Variants in KCNQ3 observed in about 807,000 individuals in gnomAD.
KCNQ3 encodes potassium voltage-gated channel subfamily Q member 3.
KCNQ3 carries 30 observed loss-of-function variants against 92.5 expected under a neutral mutation model. That is an observed-to-expected ratio of 0.32 (90% CI 0.24 to 0.44). The LOEUF is 0.44. Ranked by LOEUF, KCNQ3 falls within the 20% of genes least tolerant of loss-of-function variation. The probability of loss-of-function intolerance (pLI) is 1.00; values close to 1 mark genes in which losing one functional copy is unlikely to be tolerated. For missense variants in KCNQ3, 913 were observed against 1,140.3 expected (o/e 0.80, Z 2.87); for synonymous variants, 450 against 468.8 (o/e 0.96, Z 0.52).
intron 7 of KCNQ3, 72 bp downstream of exon 7, chr8:132,172,526 T>TACAC (rs146253351): frequency 3.1e-6 from 4 of 1,284,982 alleles, no homozygotes; most frequent in African/African-American, 1.5e-5. Flanking sequence ...CATGCACACA[T>TACAC]ACACACACAC....
At chr8:132,352,180 A>T (rs1047533754) in intron 1 of KCNQ3, among the ~76,000 whole-genome samples, 1 of 152,188 alleles carries the variant, frequency 6.6e-6, no homozygotes, top group Non-Finnish European at 1.5e-5. Context: ...CAGAGAAGAA[A>T]GCAGCTGATC....
chr8:132,395,565 T>C (rs1820170588), intron 1 of KCNQ3, among the ~76,000 whole-genome samples: 2 of 152,222 alleles, frequency 1.3e-5, no homozygotes, highest in Admixed American at 1.3e-4. Context: ...CTCAGAGCAA[T>C]TCAAAACACA....
At chr8:132,157,186 G>A (rs985817069) in intron 9 of KCNQ3, among the ~76,000 whole-genome samples, 8 of 152,202 alleles carry the variant, frequency 5.3e-5, no homozygotes, top group African/African-American at 1.7e-4. Flanking sequence ...GTACTTAGTG[G>A]AAAGTTCTAT....
At chr8:132,393,182 A>C (rs547335461) in intron 1 of KCNQ3, among the ~76,000 whole-genome samples, 165 of 152,266 alleles carry the variant, frequency 1.1e-3, no homozygotes, top group African/African-American at 3.8e-3. Context: ...ACTCTATCTA[A>C]ATAGCCATCC....
intron 1 of KCNQ3, among the ~76,000 whole-genome samples, chr8:132,422,694 C>G (rs1356096717): frequency 6.6e-6 from 1 of 152,230 alleles, no homozygotes; most frequent in Non-Finnish European, 1.5e-5. Context: ...CCTCCCACGA[C>G]TCTCCATATA....
At chr8:132,168,821 T>C (rs1385159387) in intron 8 of KCNQ3, among the ~76,000 whole-genome samples, 1 of 149,562 alleles carries the variant, frequency 6.7e-6, no homozygotes, top group East Asian at 2.0e-4. Flanking sequence ...GAGCCCCCTA[T>C]CTAGTAGCAT....
intron 1 of KCNQ3, among the ~76,000 whole-genome samples, chr8:132,228,004 A>G (rs1213376050): frequency 6.6e-6 from 1 of 152,174 alleles, no homozygotes; most frequent in Admixed American, 6.5e-5. Context: ...AAAAAACCCA[A>G]TAAATCCAAC....
At chr8:132,391,413 G>T (rs75396412) in intron 1 of KCNQ3, among the ~76,000 whole-genome samples, 1 of 151,698 alleles carries the variant, frequency 6.6e-6, no homozygotes, top group Non-Finnish European at 1.5e-5. Context: ...GTGAGGCGAC[G>T]CCGAGAAGAG....
chr8:132,161,835 A>G (rs1826001004), intron 9 of KCNQ3, among the ~76,000 whole-genome samples: 1 of 152,176 alleles, frequency 6.6e-6, no homozygotes, highest in African/African-American at 2.4e-5. Flanking sequence ...GCGTAAAGGA[A>G]TTGATTCCTC....
intron 1 of KCNQ3, among the ~76,000 whole-genome samples, chr8:132,471,004 C>A (rs1348440641): frequency 3.9e-5 from 6 of 152,214 alleles, no homozygotes; most frequent in Non-Finnish European, 8.8e-5. Context: ...TCTCATTATA[C>A]ACAAGTTTGA....
intron 1 of KCNQ3, among the ~76,000 whole-genome samples, chr8:132,425,173 C>T (rs559040386): frequency 3.0e-4 from 45 of 152,272 alleles, no homozygotes; most frequent in South Asian, 1.9e-3. Context: ...CCCAACTGGA[C>T]GCCAATACAT....
At chr8:132,164,715 G>A (rs1826092349) in intron 8 of KCNQ3, among the ~76,000 whole-genome samples, 2 of 152,150 alleles carry the variant, frequency 1.3e-5, no homozygotes, top group Non-Finnish European at 2.9e-5. Flanking sequence ...AAAGGGCAAG[G>A]GGGCAGCTGA....
chr8:132,148,947 T>G (rs116158998), intron 9 of KCNQ3, among the ~76,000 whole-genome samples: 55 of 152,368 alleles, frequency 3.6e-4, no homozygotes, highest in African/African-American at 1.3e-3. Context: ...GTGAGCCAAT[T>G]CCTATAATAA....
chr8:132,442,973 A>G (rs1400257212), intron 1 of KCNQ3, among the ~76,000 whole-genome samples: 1 of 152,178 alleles, frequency 6.6e-6, no homozygotes, highest in African/African-American at 2.4e-5. Context: ...TCAGCCCCAG[A>G]GACAGGCTCC....
chr8:132,308,838 A>G (rs1817511312), intron 1 of KCNQ3, among the ~76,000 whole-genome samples: 1 of 152,196 alleles, frequency 6.6e-6, no homozygotes. Context: ...CCACAGCTAG[A>G]AAGTGGCAGA....
intron 1 of KCNQ3, among the ~76,000 whole-genome samples, chr8:132,347,844 G>A (rs969922032): frequency 6.6e-6 from 1 of 151,992 alleles, no homozygotes; most frequent in African/African-American, 2.4e-5. Flanking sequence ...GGGCCTGGTG[G>A]TGGGCGCCTG....
chr8:132,356,258 A>G (rs138058172), intron 1 of KCNQ3, among the ~76,000 whole-genome samples: 15 of 152,202 alleles, frequency 9.9e-5, no homozygotes, highest in Admixed American at 5.2e-4. Context: ...ATAAGTGTTC[A>G]TTCAAAGTCA....
At chr8:132,404,962 A>G (rs1455697056) in intron 1 of KCNQ3, among the ~76,000 whole-genome samples, 1 of 152,210 alleles carries the variant, frequency 6.6e-6, no homozygotes, top group Non-Finnish European at 1.5e-5. Flanking sequence ...TGACCCACCT[A>G]TGACCACAAT....
chr8:132,440,975 T>G (rs1821521365), intron 1 of KCNQ3, among the ~76,000 whole-genome samples: 1 of 152,232 alleles, frequency 6.6e-6, no homozygotes, highest in Non-Finnish European at 1.5e-5. Context: ...CTGCCAGATA[T>G]CCGACCTGCA....
Sources: allele counts gnomAD v4.1 joint callset (sites outside exome capture counted in the v4.1 genomes callset), GRCh38; gene constraint gnomAD v4.1.1; transcripts MANE v1.5; gene names NCBI Gene and HGNC (gene_info 2026-07-23, HGNC 2026-07-21).